The following TRPM3 variants were observed in gnomAD, a reference collection of about 807,000 sequenced individuals.
TRPM3 encodes the protein long transient receptor potential channel 3.
TRPM3 carries 77 observed loss-of-function variants against 181.2 expected under a neutral mutation model. That is an observed-to-expected ratio of 0.42 (90% CI 0.35 to 0.51). TRPM3 has a LOEUF of 0.51. TRPM3 is among the 20% of genes least tolerant of loss of function. The pLI, the probability that TRPM3 is intolerant of heterozygous loss-of-function variation, is 0.01. For synonymous variants in TRPM3, 745 were observed against 796.4 expected (o/e 0.94, Z 1.09); for missense variants, 1,759 against 2,196.7 (o/e 0.80, Z 3.98).
intron 6 of TRPM3, among the ~76,000 whole-genome samples, chr9:70,804,875 T>G (rs1483896001): frequency 6.6e-6 from 1 of 152,132 alleles, no homozygotes; most frequent in Non-Finnish European, 1.5e-5. Flanking sequence ...AAATGCAAGC[T>G]CCGTAAAAGC....
intron 1 of TRPM3, among the ~76,000 whole-genome samples, chr9:71,408,872 CA>C (rs1241336898): frequency 6.6e-6 from 1 of 152,146 alleles, no homozygotes; most frequent in Non-Finnish European, 1.5e-5. Context: ...GGGTTACCCA[CA>C]AAGGGAAGCC....
At chr9:70,803,147 C>A (rs1430197289) in intron 6 of TRPM3, among the ~76,000 whole-genome samples, 1 of 148,682 alleles carries the variant, frequency 6.7e-6, no homozygotes, top group Non-Finnish European at 1.5e-5. Context: ...AGATGAGATG[C>A]GGAAGAAATG....
Position 70,655,393 on chromosome 9 carries a change from A to G in TRPM3, c.1346-14733T>C, listed in dbSNP as rs142047386. ...TTCACATTAAGGAAAAAGAGCCCTA[A>G]GGTTGACCTGCAAACTATGGAGTTC... On this transcript the variant is annotated intron_variant, in intron 9 of 25. Coordinates refer to ENST00000677713, the MANE Select transcript of TRPM3 (RefSeq NM_001366145.2). Among the ~76,000 whole-genome samples the G allele has an allele frequency of 9.9e-3, 1,497 of 151,736 alleles. 22 individuals are homozygous for G. The highest frequency in any genetic ancestry group is 0.034 in the African/African-American group (1,427 of 41,378).
chr9:70,745,155 A>C (rs1332979881), intron 8 of TRPM3, among the ~76,000 whole-genome samples: 2 of 152,196 alleles, frequency 1.3e-5, no homozygotes, highest in Non-Finnish European at 2.9e-5. Flanking sequence ...ATGTTAACTC[A>C]TTTAATCCTT....
Position 70,535,323 on chromosome 9 carries a change from C to A in TRPM3, c.*630G>T, listed in dbSNP as rs2041476298. On this transcript the variant is annotated 3_prime_UTR_variant, in exon 26 of 26. Coordinates refer to ENST00000677713, the MANE Select transcript of TRPM3 (RefSeq NM_001366145.2). ...GCACCAGAAGTGAATAGATAAGAGA[C>A]AGGTGAACTATGACTGTTACCTTGT... 2 of 1,262,458 alleles carry A rather than the reference C, an allele frequency of 1.6e-6. No homozygotes were observed. The highest frequency in any genetic ancestry group is 1.9e-4 in the Middle Eastern group (1 of 5,384). 78.2% of individuals were successfully genotyped at this position (1,262,458 alleles called of 1,614,324 possible).
intron 1 of TRPM3, among the ~76,000 whole-genome samples, chr9:71,033,702 G>T (rs1478592170): frequency 6.6e-6 from 1 of 152,168 alleles, no homozygotes; most frequent in East Asian, 1.9e-4. Flanking sequence ...CAATATGGCA[G>T]GCTTGCTGAG....
chr9:71,159,955 G>A (rs1346070671), intron 1 of TRPM3, among the ~76,000 whole-genome samples: 2 of 152,090 alleles, frequency 1.3e-5, no homozygotes, highest in African/African-American at 4.8e-5. Context: ...GGCAGAGGAA[G>A]CAAGAAAGTC....
intron 1 of TRPM3, among the ~76,000 whole-genome samples, chr9:71,138,396 C>T (rs77947065): frequency 2.0e-5 from 3 of 152,092 alleles, no homozygotes; most frequent in African/African-American, 7.2e-5. Context: ...TGCCTGAACT[C>T]AGGACACAGA....
intron 20 of TRPM3, 22 bp from the exon 21 acceptor site, chr9:70,598,692 A>G: frequency 1.2e-6 from 2 of 1,607,734 alleles, no homozygotes; most frequent in South Asian, 2.2e-5. Context: ...GAAGGAGAGC[A>G]GAGTTAGGTC....
intron 20 of TRPM3, among the ~76,000 whole-genome samples, chr9:70,601,433 G>A (rs1485787535): frequency 2.0e-5 from 3 of 152,164 alleles, no homozygotes; most frequent in South Asian, 2.1e-4. Flanking sequence ...AGGATCTTGC[G>A]TCTGAGCCCT....
At chr9:70,557,140 A>G (rs958447665) in intron 22 of TRPM3, among the ~76,000 whole-genome samples, 1 of 152,208 alleles carries the variant, frequency 6.6e-6, no homozygotes, top group South Asian at 2.1e-4. Context: ...TTTGGTAGAG[A>G]CATAGAAAGG....
intron 5 of TRPM3, among the ~76,000 whole-genome samples, chr9:70,828,871 C>CCA (rs946547973): frequency 6.6e-6 from 1 of 151,994 alleles, no homozygotes; most frequent in Admixed American, 6.6e-5. Context: ...TGAGAGTCTA[C>CCA]CACACACACA....
chr9:70,752,137 C>A (rs903131608), intron 8 of TRPM3, among the ~76,000 whole-genome samples: 1 of 151,590 alleles, frequency 6.6e-6, no homozygotes, highest in African/African-American at 2.4e-5. Flanking sequence ...AAATAGTTGG[C>A]AACTCTGGAG....
chr9:71,001,160 C>T (rs2097595467), intron 1 of TRPM3, among the ~76,000 whole-genome samples: 1 of 152,142 alleles, frequency 6.6e-6, no homozygotes, highest in African/African-American at 2.4e-5. Context: ...GAACCCAAAG[C>T]CAGTTCCAAG....
chr9:70,757,657 T>A (rs900016430), intron 8 of TRPM3, among the ~76,000 whole-genome samples: 21 of 151,880 alleles, frequency 1.4e-4, no homozygotes, highest in African/African-American at 4.8e-4. Flanking sequence ...GTCAGCTTCA[T>A]CCCTGGTCTG....
chr9:71,132,110 C>T (rs2074408678), intron 1 of TRPM3, among the ~76,000 whole-genome samples: 1 of 152,164 alleles, frequency 6.6e-6, no homozygotes, highest in South Asian at 2.1e-4. Flanking sequence ...GATGTTGATG[C>T]CTCACAAAGT....
At chr9:71,016,728 T>C (rs974843187) in intron 1 of TRPM3, among the ~76,000 whole-genome samples, 2 of 152,194 alleles carry the variant, frequency 1.3e-5, no homozygotes, top group African/African-American at 4.8e-5. Context: ...AAGATTATGA[T>C]ACAATTTTTT....
intron 8 of TRPM3, among the ~76,000 whole-genome samples, chr9:70,691,316 T>C (rs2068474822): frequency 6.6e-6 from 1 of 152,216 alleles, no homozygotes; most frequent in Admixed American, 6.5e-5. Flanking sequence ...TGTATGAATT[T>C]ATACATTAGA....
intron 1 of TRPM3, among the ~76,000 whole-genome samples, chr9:71,391,189 T>A (rs2093053945): frequency 6.6e-6 from 1 of 152,032 alleles, no homozygotes. Flanking sequence ...GGCATATCCT[T>A]GAAATCTTTT....
Sources: allele counts gnomAD v4.1 joint callset (sites outside exome capture counted in the v4.1 genomes callset), GRCh38; gene constraint gnomAD v4.1.1; transcripts MANE v1.5; gene names NCBI Gene and HGNC (gene_info 2026-07-23, HGNC 2026-07-21).